COL23A1: variants seen among roughly 807,000 people sequenced by gnomAD.
COL23A1 encodes collagen type XXIII alpha 1 chain.
COL23A1 carries 97 observed loss-of-function variants against 99.3 expected under a neutral mutation model. The ratio of observed to expected loss-of-function variants is 0.98; its 90% CI spans 0.83 to 1.16. The LOEUF (loss-of-function observed/expected upper bound fraction) is 1.16, where lower values mean the gene tolerates loss of function less well. Ranked by LOEUF, COL23A1 falls within the 50% of genes most tolerant of loss-of-function variation. COL23A1 has a pLI of 0.00. For synonymous variants in COL23A1, 320 were observed against 308.2 expected (o/e 1.04, Z -0.40); for missense variants, 762 against 757.4 (o/e 1.01, Z -0.07).
chr5:178,403,119 A>AAAT (rs1415259462), intron 2 of COL23A1, among the ~76,000 whole-genome samples: 35 of 108,382 alleles, frequency 3.2e-4, no homozygotes, highest in African/African-American at 1.2e-3. Context: ...AAAAAAAAAA[A>AAAT]AAATAAATAA....
intron 2 of COL23A1, among the ~76,000 whole-genome samples, chr5:178,520,013 G>C (rs1241371797): frequency 6.6e-6 from 1 of 152,196 alleles, no homozygotes; most frequent in Non-Finnish European, 1.5e-5. Context: ...CAGATGGATA[G>C]AGAGTTGGGT....
chr5:178,402,342 A>G (rs1440389000), intron 2 of COL23A1, among the ~76,000 whole-genome samples: 1 of 152,154 alleles, frequency 6.6e-6, no homozygotes, highest in African/African-American at 2.4e-5. Context: ...AGAGACACAG[A>G]AAAACATATT....
rs1581156283 is a variant in COL23A1 at position 178,325,456 on chromosome 5, T to C, written c.362-18537A>G. Among the ~76,000 whole-genome samples the C allele has an allele frequency of 4.0e-5, 6 of 151,220 alleles. No homozygotes were observed. The South Asian group carries it at 1.2e-3, about 31-fold the overall frequency. On this transcript the variant is annotated intron_variant, in intron 2 of 28. Coordinates refer to ENST00000390654, the MANE Select transcript of COL23A1 (RefSeq NM_173465.4). ...TGGACATGCTACACCCCCTGAGCTG[T>C]GCTACTCAAGTCTCCAACATCCTTT...
At position 178,437,099 on chromosome 5, in the gene COL23A1, C is replaced by A. The variant is rs149183808; in HGVS notation, c.361+123583G>T. Among the ~76,000 whole-genome samples, 526 of 152,290 alleles carry A rather than the reference C, an allele frequency of 3.5e-3. 3 individuals carry two copies. The highest frequency in any genetic ancestry group is 0.012 in the African/African-American group (514 of 41,554). On this transcript the variant is annotated intron_variant, in intron 2 of 28. Transcript: ENST00000390654. Reference sequence around the variant, plus strand: ...GCCCTCCACCTCAGTGGAGTATAATCTTGTTCTTTTATCTAATTCCTGGTG... The same window carrying A: ...GCCCTCCACCTCAGTGGAGTATAATATTGTTCTTTTATCTAATTCCTGGTG...
Position 178,307,744 on chromosome 5 carries a change from CCT to C in COL23A1, c.362-827_362-826del, listed in dbSNP as rs772873433. Among the ~76,000 whole-genome samples, 58 of 152,210 alleles carry C rather than the reference CCT, an allele frequency of 3.8e-4. No homozygotes were observed. The highest frequency in any genetic ancestry group is 7.2e-4 in the Admixed American group (11 of 15,280). ...ATCCTTCCTGGCGCCCCTTCTCGCC[CCT>C]GTTTCAGTGAAGTTGGGTGCAGGTA... On this transcript the variant is annotated intron_variant, in intron 2 of 28. Coordinates refer to ENST00000390654, the MANE Select transcript of COL23A1 (RefSeq NM_173465.4). The surrounding 1 kb of genome is among the most constrained non-coding windows in gnomAD (Gnocchi z 4.2).
chr5:178,331,360 C>G (rs944106396), intron 2 of COL23A1, among the ~76,000 whole-genome samples: 22 of 152,246 alleles, frequency 1.4e-4, no homozygotes, highest in Admixed American at 1.0e-3. Flanking sequence ...CTGGGTGGGT[C>G]CCAGCTCTCC....
chr5:178,463,529 G>C (rs1481781810), intron 2 of COL23A1, among the ~76,000 whole-genome samples: 1 of 152,144 alleles, frequency 6.6e-6, no homozygotes, highest in Admixed American at 6.5e-5. Context: ...GCCACACCTT[G>C]TCCCCCGCAC....
At chr5:178,342,814 G>A (rs150712877) in intron 2 of COL23A1, among the ~76,000 whole-genome samples, 1 of 151,670 alleles carries the variant, frequency 6.6e-6, no homozygotes, top group African/African-American at 2.4e-5. Flanking sequence ...AACAGAAAAA[G>A]CCCATAGAAT....
chr5:178,385,849 T>C (rs2127743620), intron 2 of COL23A1, among the ~76,000 whole-genome samples: 1 of 152,366 alleles, frequency 6.6e-6, no homozygotes, highest in East Asian at 1.9e-4. Context: ...CCGTGTCGGC[T>C]GCCAGGATTT....
intron 2 of COL23A1, among the ~76,000 whole-genome samples, chr5:178,467,903 G>C (rs1546222): frequency 0.73 from 111,669 of 152,112 alleles, 44,189 homozygotes; most frequent in Non-Finnish European, 0.9. Flanking sequence ...TTCCATGCTA[G>C]TGACAAAGGG....
At chr5:178,402,013 A>G (rs1469362647) in intron 2 of COL23A1, among the ~76,000 whole-genome samples, 1 of 152,100 alleles carries the variant, frequency 6.6e-6, no homozygotes, top group Non-Finnish European at 1.5e-5. Context: ...ATGGGGTTTC[A>G]TGATGTTGGC....
chr5:178,548,105 G>A (rs1761810139), intron 2 of COL23A1, among the ~76,000 whole-genome samples: 1 of 115,502 alleles, frequency 8.7e-6, no homozygotes, highest in Admixed American at 1.2e-4. Context: ...CTGTTTCTCT[G>A]GGGAACCTTG....
chr5:178,314,283 G>T (rs542303245), intron 2 of COL23A1, among the ~76,000 whole-genome samples: 1 of 152,082 alleles, frequency 6.6e-6, no homozygotes, highest in Admixed American at 6.5e-5. Context: ...GCCGAACAGC[G>T]CTGGGTCCTG....
intron 2 of COL23A1, among the ~76,000 whole-genome samples, chr5:178,490,906 C>T (rs371621136): frequency 1.3e-5 from 2 of 152,126 alleles, no homozygotes; most frequent in Non-Finnish European, 2.9e-5. Flanking sequence ...AATTATACCT[C>T]GAGGAGCTTG....
intron 2 of COL23A1, among the ~76,000 whole-genome samples, chr5:178,458,699 G>A (rs188652099): frequency 1.3e-5 from 2 of 151,670 alleles, no homozygotes; most frequent in East Asian, 1.9e-4. Context: ...ACAAAACAAC[G>A]AAGAAGAGTA....
At chr5:178,442,212 A>C (rs1430606126) in intron 2 of COL23A1, among the ~76,000 whole-genome samples, 1 of 151,790 alleles carries the variant, frequency 6.6e-6, no homozygotes, top group African/African-American at 2.4e-5. Flanking sequence ...GTCTTAGGAA[A>C]GCTGGGATGG....
intron 2 of COL23A1, among the ~76,000 whole-genome samples, chr5:178,546,543 C>G (rs1282546408): frequency 6.6e-6 from 1 of 152,218 alleles, no homozygotes; most frequent in Non-Finnish European, 1.5e-5. Context: ...CTGCCTCGTC[C>G]TGACACTGGG....
intron 2 of COL23A1, among the ~76,000 whole-genome samples, chr5:178,476,601 C>T (rs1036186882): frequency 1.3e-5 from 2 of 152,224 alleles, no homozygotes; most frequent in Non-Finnish European, 2.9e-5. Flanking sequence ...GCAGGAATCT[C>T]GGGGCTGTCT....
At chr5:178,326,051 C>A (rs1759634195) in intron 2 of COL23A1, among the ~76,000 whole-genome samples, 1 of 152,206 alleles carries the variant, frequency 6.6e-6, no homozygotes, top group Non-Finnish European at 1.5e-5. Flanking sequence ...ACCCGAGACC[C>A]CAGATAATAA....
Sources: gnomAD v4.1 joint callset for allele counts (sites outside exome capture counted in the v4.1 genomes callset) on GRCh38, gnomAD v4.1.1 for gene constraint, Gnocchi (gnomAD v3.1) non-coding constraint, MANE v1.5 for transcripts, NCBI Gene and HGNC (gene_info 2026-07-23, HGNC 2026-07-21) for gene names.